Variants in ASTN2 observed in about 807,000 individuals in gnomAD.
ASTN2 encodes the protein astrotactin-2.
A neutral mutation model predicts 139.8 loss-of-function variants in ASTN2; 54 were observed. The ratio of observed to expected loss-of-function variants is 0.39; its 90% CI spans 0.31 to 0.48. The LOEUF is 0.48. Ranked by LOEUF, ASTN2 falls within the 20% of genes least tolerant of loss-of-function variation. ASTN2 has a pLI of 0.95. For missense variants in ASTN2, 1,565 were observed against 1,725.1 expected, an observed-to-expected ratio of 0.91 and a Z score of 1.64; for synonymous variants, 756 against 719.5, an observed-to-expected ratio of 1.05 and a Z score of -0.81.
At chr9:116,776,962 T>G (rs550461642) in intron 13 of ASTN2, among the ~76,000 whole-genome samples, 2 of 152,262 alleles carry the variant, frequency 1.3e-5, no homozygotes, top group South Asian at 4.1e-4. Context: ...ATTACAAAAT[T>G]AGTGGATGAA....
At chr9:116,529,026 AG>A (rs1384463293) in intron 19 of ASTN2, among the ~76,000 whole-genome samples, 1 of 152,182 alleles carries the variant, frequency 6.6e-6, no homozygotes, top group African/African-American at 2.4e-5. Flanking sequence ...GTGGGGTTGG[AG>A]CCCTTACACA....
chr9:116,509,838 C>T (rs1850288828), intron 19 of ASTN2, among the ~76,000 whole-genome samples: 2 of 152,084 alleles, frequency 1.3e-5, no homozygotes, highest in South Asian at 4.2e-4. Flanking sequence ...TGTCCTTTGC[C>T]CACTTGATGG....
intron 2 of ASTN2, among the ~76,000 whole-genome samples, chr9:117,276,584 AC>A (rs1834195113): frequency 1.3e-5 from 2 of 152,228 alleles, no homozygotes; most frequent in Non-Finnish European, 1.5e-5. Flanking sequence ...ACATCAGGAC[AC>A]ATAAGGACTG....
At chr9:116,944,980 C>T (rs528593736) in intron 10 of ASTN2, among the ~76,000 whole-genome samples, 2 of 152,160 alleles carry the variant, frequency 1.3e-5, no homozygotes, top group Non-Finnish European at 1.5e-5. Context: ...ATTTCAGAGT[C>T]GGTCAAGTCA....
At chr9:116,618,811 A>C (rs551722559) in intron 18 of ASTN2, among the ~76,000 whole-genome samples, 137 of 152,212 alleles carry the variant, frequency 9.0e-4, no homozygotes, top group Non-Finnish European at 1.7e-3. Context: ...TTAAATTGGC[A>C]GTGCCTTCAA....
chr9:117,353,843 G>GA (rs1466471416), intron 1 of ASTN2, among the ~76,000 whole-genome samples: 1 of 152,052 alleles, frequency 6.6e-6, no homozygotes, highest in African/African-American at 2.4e-5. Flanking sequence ...TGACATTCTG[G>GA]AAAAAAGAAA....
chr9:117,066,624 CA>C (rs1246883125), intron 5 of ASTN2, among the ~76,000 whole-genome samples: 1 of 151,180 alleles, frequency 6.6e-6, no homozygotes, highest in African/African-American at 2.4e-5. Context: ...AACTAGTTTA[CA>C]GTACCACCAA....
Position 117,354,300 on chromosome 9 carries a change from T to C in ASTN2, c.442+60197A>G, listed in dbSNP as rs532276138. 3.3e-4 allele frequency among the ~76,000 whole-genome samples: 50 copies of C among 152,252 alleles called. No homozygotes were observed. The South Asian group carries it at 9.1e-3, about 28-fold the overall frequency. Reference sequence around the variant, plus strand: ...ATGAGGCCCCTCATCATCTGGCCTCTGCCTCTCCTCCTGTCTCTTTTCTCA... The same window carrying C: ...ATGAGGCCCCTCATCATCTGGCCTCCGCCTCTCCTCCTGTCTCTTTTCTCA... On this transcript the variant is annotated intron_variant, in intron 1 of 22. Transcript: ENST00000313400.
chr9:117,143,101 G>A (rs1176758087), intron 3 of ASTN2, among the ~76,000 whole-genome samples: 1 of 152,176 alleles, frequency 6.6e-6, no homozygotes, highest in Non-Finnish European at 1.5e-5. Context: ...GGCTTGTTCT[G>A]GTATTGGGTT....
intron 4 of ASTN2, among the ~76,000 whole-genome samples, chr9:117,110,130 T>G (rs897294021): frequency 2.2e-4 from 34 of 152,234 alleles, no homozygotes; most frequent in African/African-American, 8.0e-4. Context: ...AATAAAAAAG[T>G]TATTTCTTGC....
intron 13 of ASTN2, among the ~76,000 whole-genome samples, chr9:116,739,499 G>A (rs1440882727): frequency 2.8e-5 from 3 of 106,420 alleles, no homozygotes; most frequent in Non-Finnish European, 6.6e-5. Flanking sequence ...TCTGGAATTT[G>A]CCCTCCCTCT....
intron 22 of ASTN2, chr9:116,437,118 T>C (rs1847679241): frequency 3.1e-6 from 1 of 321,428 alleles, no homozygotes. Flanking sequence ...GATGACGAGT[T>C]AGTGGGTGCA....
chr9:117,323,798 C>A (rs1475735557), intron 1 of ASTN2, among the ~76,000 whole-genome samples: 1 of 152,012 alleles, frequency 6.6e-6, no homozygotes, highest in Non-Finnish European at 1.5e-5. Flanking sequence ...TTTATTTTAG[C>A]CCTTGTTGTA....
At chr9:116,558,674 G>A (rs1390709808) in intron 19 of ASTN2, among the ~76,000 whole-genome samples, 4 of 152,158 alleles carry the variant, frequency 2.6e-5, no homozygotes, top group South Asian at 2.1e-4. Context: ...CACGGGTTCT[G>A]ACAGGGCTAT....
At chr9:116,687,265 A>T (rs1860289502) in intron 16 of ASTN2, 1 of 992,634 alleles carries the variant, frequency 1.0e-6, no homozygotes. Context: ...GGGCTCAGTG[A>T]CGGACAGGGA....
chr9:116,919,344 T>C (rs1261632591), intron 10 of ASTN2, among the ~76,000 whole-genome samples: 1 of 152,224 alleles, frequency 6.6e-6, no homozygotes, highest in Non-Finnish European at 1.5e-5. Flanking sequence ...TTCCCATCTC[T>C]GGGCTTTTGT....
Position 116,440,712 on chromosome 9 carries a change from C to G in ASTN2, c.3679G>C (p.Glu1227Gln). ...EQQMAYNTLMEVSASMLFRVQ... is the reference protein window; with the variant it reads ...EQQMAYNTLMQVSASMLFRVQ... ...CGGAACAGCATCGAGGCTGAGACCT[C>G]CATCAGTGTGTTGTAGGCCATCTGC... The change falls in exon 22 of 23, where the codon GAG becomes CAG. Residue 1227 changes from glutamate to glutamine, a missense_variant. By Grantham distance (29) the Glu-to-Gln change is conservative. This residue lies in a region of ASTN2 where 418 missense variants were observed against 465.8 expected (regional missense o/e 0.90). Transcript: ENST00000313400. The G allele has an allele frequency of 6.2e-7, 1 of 1,614,136 alleles. No individual in the cohort carries two copies. The highest frequency in any genetic ancestry group is 8.5e-7 in the Non-Finnish European group (1 of 1,179,984).
intron 3 of ASTN2, among the ~76,000 whole-genome samples, chr9:117,209,487 A>G (rs1029328448): frequency 1.3e-5 from 2 of 152,136 alleles, no homozygotes; most frequent in African/African-American, 2.4e-5. Context: ...AAAGAGATCA[A>G]TACAGCAAGA....
intron 3 of ASTN2, among the ~76,000 whole-genome samples, chr9:117,210,640 A>G (rs1186246980): frequency 6.6e-6 from 1 of 152,178 alleles, no homozygotes; most frequent in Admixed American, 6.5e-5. Context: ...AAGAAGAATT[A>G]ATAACAATTC....
Sources: gnomAD v4.1 joint callset for allele counts (sites outside exome capture counted in the v4.1 genomes callset) on GRCh38, gnomAD v4.1.1 for gene constraint, gnomAD v4.1.1 regional missense constraint, MANE v1.5 for transcripts, NCBI Gene and HGNC (gene_info 2026-07-23, HGNC 2026-07-21) for gene names.